Variants in LAMA2 observed in about 807,000 individuals in gnomAD.
LAMA2 encodes the protein laminin subunit alpha-2.
Under a neutral mutation model 364.8 loss-of-function variants are expected in LAMA2, and 269 were observed. The ratio of observed to expected loss-of-function variants is 0.74; its 90% confidence interval spans 0.67 to 0.82. LAMA2 has a LOEUF of 0.82. Among genes scored for constraint, LAMA2 ranks in the 40% least tolerant of loss-of-function variants. LAMA2 has a pLI of 0.00. For missense variants in LAMA2, 3,807 were observed against 3,873.2 expected, an observed-to-expected ratio of 0.98 and a Z score of 0.45; for synonymous variants, 1,379 against 1,370.6, an observed-to-expected ratio of 1.01 and a Z score of -0.14.
At chr6:128,988,642 T>G (rs1364577970) in intron 1 of LAMA2, among the ~76,000 whole-genome samples, 1 of 152,202 alleles carries the variant, frequency 6.6e-6, no homozygotes, top group Non-Finnish European at 1.5e-5. Flanking sequence ...TTTTTTAACT[T>G]TCACAATTCT....
rs1562566133 is a variant in LAMA2, at chr6:129,440,888, C to G, written c.6158C>G (p.Ala2053Gly). Residue 2053 changes from alanine (A) to glycine (G), a missense_variant, in exon 43 of 65, where the codon GCA (alanine) becomes GGA (glycine). Around this residue, in one of 3 missense-constraint regions of LAMA2, gnomAD observed 3,333 missense variants for 3,345.7 expected, o/e 1.00. Transcript: ENST00000421865. ...AACGACACAGCTAAAGATGTACTGG[C>G]ACAGATTACAGAGCTCCACCAGAAC... ...QANDTAKDVL[A>G]QITELHQNLD... 6.2e-7 allele frequency: 1 copy of G among 1,613,776 alleles called. No homozygotes were observed.
chr6:128,951,812 T>G (rs1780839082), intron 1 of LAMA2, among the ~76,000 whole-genome samples: 1 of 152,242 alleles, frequency 6.6e-6, no homozygotes, highest in Non-Finnish European at 1.5e-5. Flanking sequence ...CTACCCTTTT[T>G]ATTTATTTAT....
chr6:129,251,824 A>G (rs1257083650), intron 13 of LAMA2, among the ~76,000 whole-genome samples: 2 of 152,044 alleles, frequency 1.3e-5, no homozygotes, highest in African/African-American at 2.4e-5. Flanking sequence ...AATCTCAGCT[A>G]TTATGGAGGC....
intron 3 of LAMA2, among the ~76,000 whole-genome samples, chr6:129,091,090 A>G (rs570679450): frequency 5.9e-5 from 9 of 152,248 alleles, no homozygotes; most frequent in Non-Finnish European, 8.8e-5. Context: ...AAGGAAAAAA[A>G]ATAACATTTT....
intron 35 of LAMA2, among the ~76,000 whole-genome samples, chr6:129,388,687 A>G (rs1456416699): frequency 6.6e-6 from 1 of 152,152 alleles, no homozygotes; most frequent in Admixed American, 6.6e-5. Context: ...GCACACACAC[A>G]CACGCGCGCA....
intron 12 of LAMA2, among the ~76,000 whole-genome samples, chr6:129,210,003 C>CAAAAAAAAAAAAAAAAAAAA (rs374127279): frequency 1.3e-4 from 9 of 67,660 alleles, no homozygotes; most frequent in Non-Finnish European, 1.8e-4. Flanking sequence ...GACTCCATCT[C>CAAAAAAAAAAAAAAAAAAAA]AAAAAAAAAA....
Position 129,306,418 on chromosome 6 carries a change from T to C in LAMA2, c.3174+5546T>C, listed in dbSNP as rs1773879914. ...ATACTGGTTTGCAGCAATTTAATTA[T>C]GCTTTTTGTTTTCTTTTTGTGTGTT... On this transcript the variant is annotated intron_variant, in intron 22 of 64. Transcript: ENST00000421865. 2.6e-5 allele frequency among the ~76,000 whole-genome samples: 4 copies of C among 150,950 alleles called. No individual in the cohort carries two copies. In the South Asian group the frequency reaches 8.3e-4, roughly 31 times the overall value.
intron 47 of LAMA2, among the ~76,000 whole-genome samples, 170 bp from the exon 48 acceptor site, chr6:129,456,165 C>A (rs765258185): frequency 2.6e-5 from 4 of 152,058 alleles, no homozygotes; most frequent in Non-Finnish European, 5.9e-5. Context: ...AGTATTGATT[C>A]GAGATCTAAT....
At chr6:129,132,687 C>T (rs1012114250) in intron 4 of LAMA2, among the ~76,000 whole-genome samples, 3 of 152,268 alleles carry the variant, frequency 2.0e-5, no homozygotes, top group African/African-American at 7.2e-5. Flanking sequence ...GGAGCACATC[C>T]TGCTAAATGG....
chr6:128,995,664 C>T (rs980097097), intron 1 of LAMA2, among the ~76,000 whole-genome samples: 1 of 152,128 alleles, frequency 6.6e-6, no homozygotes, highest in African/African-American at 2.4e-5. Context: ...TCTCTCTCCC[C>T]TCTGTTGTAT....
chr6:129,314,887 G>C, intron 24 of LAMA2, 89 bp downstream of exon 24: 1 of 1,369,886 alleles, frequency 7.3e-7, no homozygotes, highest in East Asian at 2.3e-5. Flanking sequence ...AGTAGAAAAT[G>C]GCAAAACATT....
rs71028162 is a variant in LAMA2, at chr6:129,450,289, GTTTGTTTTGTTTTGTTTTGT to G, written c.6430-2669_6430-2650del. The stretch of plus-strand genomic sequence containing the variant: ...CTGAGGGATATTATTCAATTGTGTT[GTTTGTTTTGTTTTGTTTTGT>G]TTTGTTTTGTTTTGTTTTGTTTTGT... On this transcript the variant is annotated intron_variant, in intron 45 of 64. Coordinates refer to ENST00000421865, the MANE Select transcript of LAMA2 (RefSeq NM_000426.4). Among the ~76,000 whole-genome samples, 1,163 of 149,608 alleles carry G rather than the reference GTTTGTTTTGTTTTGTTTTGT, an allele frequency of 7.8e-3. 14 individuals carry two copies. Among genetic ancestry groups the G allele is most frequent in the African/African-American group, 0.024 (982 of 40,334 alleles).
At chr6:129,107,381 T>C (rs184308396) in intron 4 of LAMA2, among the ~76,000 whole-genome samples, 252 of 152,184 alleles carry the variant, frequency 1.7e-3, no homozygotes, top group African/African-American at 5.8e-3. Context: ...ATGAAATGAC[T>C]GAGCTGGCTC....
intron 3 of LAMA2, among the ~76,000 whole-genome samples, chr6:129,077,651 C>A (rs1259439461): frequency 6.6e-6 from 1 of 152,152 alleles, no homozygotes; most frequent in Non-Finnish European, 1.5e-5. Flanking sequence ...ACAGAGAACC[C>A]TATGTGCTGT....
intron 12 of LAMA2, among the ~76,000 whole-genome samples, chr6:129,242,409 T>C (rs979753228): frequency 1.1e-4 from 16 of 152,182 alleles, no homozygotes; most frequent in African/African-American, 3.9e-4. Flanking sequence ...TGTTTCTCTT[T>C]AGCTTAAAGG....
At chr6:129,016,679 A>C (rs771452803) in intron 1 of LAMA2, among the ~76,000 whole-genome samples, 5 of 151,902 alleles carry the variant, frequency 3.3e-5, no homozygotes, top group Non-Finnish European at 5.9e-5. Flanking sequence ...TATCTTTGGA[A>C]AGGGTAGAGA....
chr6:129,427,657 C>A, intron 40 of LAMA2, 95 bp from the exon 41 acceptor site: 3 of 875,726 alleles, frequency 3.4e-6, no homozygotes, highest in Non-Finnish European at 5.8e-6. Flanking sequence ...GAGCTCTTTC[C>A]TAAAGGCAAA....
rs138656044 is a variant in LAMA2, at chr6:128,985,517, A to C, written c.113-64401A>C. Among the ~76,000 whole-genome samples the C allele has an allele frequency of 2.0e-5, 3 of 152,298 alleles. No individual in the cohort carries two copies. In the East Asian group the frequency reaches 5.8e-4, roughly 29 times the overall value. On this transcript the variant is annotated intron_variant, in intron 1 of 64. Coordinates refer to ENST00000421865, the MANE Select transcript of LAMA2 (RefSeq NM_000426.4). ...GACACACAAGAACAAAACAAAAGAAAAATTCAGTTTAGAGCCTGCTTAAAA... is the reference window on the plus strand; with the variant it reads ...GACACACAAGAACAAAACAAAAGAACAATTCAGTTTAGAGCCTGCTTAAAA...
chr6:129,115,868 G>A (rs1023902967), intron 4 of LAMA2, among the ~76,000 whole-genome samples: 1 of 152,062 alleles, frequency 6.6e-6, no homozygotes, highest in African/African-American at 2.4e-5. Flanking sequence ...TAACACATCC[G>A]ACTAAGGTGC....
Sources: allele counts gnomAD v4.1 joint callset (sites outside exome capture counted in the v4.1 genomes callset), GRCh38; gene constraint gnomAD v4.1.1; regional missense constraint gnomAD v4.1.1; transcripts MANE v1.5; gene names NCBI Gene and HGNC (gene_info 2026-07-23, HGNC 2026-07-21).